The following NHERF4 variants were observed in gnomAD, a reference collection of about 807,000 sequenced individuals.
The protein encoded by NHERF4 is NHERF family PDZ scaffold protein 4.
chr11:119,188,579 T>TTGGGGCAGGAG, the NHERF4 span: 3 of 1,605,494 alleles, frequency 1.9e-6, no homozygotes, highest in Non-Finnish European at 2.6e-6. Flanking sequence ...GGGGCTAGGG[T>TTGGGGCAGGAG]TGGGGCAGGA....
the NHERF4 span, chr11:119,188,835 G>C: frequency 3.8e-5 from 61 of 1,614,086 alleles, no homozygotes; most frequent in Non-Finnish European, 4.9e-5. Flanking sequence ...ACTCAGTTGT[G>C]TGGCCAGTGG....
the NHERF4 span, chr11:119,185,873 C>A: frequency 4.3e-6 from 7 of 1,611,528 alleles, no homozygotes; most frequent in Admixed American, 8.3e-5. Flanking sequence ...AGAGGCACAT[C>A]TGGGGAGAAG....
the NHERF4 span, chr11:119,189,472 C>T: frequency 6.2e-7 from 1 of 1,614,170 alleles, no homozygotes; most frequent in South Asian, 1.1e-5. This position sits in a 1 kb window ranked among gnomAD's most constrained non-coding sequence, Gnocchi z 5.8. Flanking sequence ...GGACTGGGCT[C>T]TGGCCTCGGA....
At chr11:119,187,686 C>T in the NHERF4 span, 14 of 1,519,110 alleles carry the variant, frequency 9.2e-6, no homozygotes, top group Admixed American at 3.2e-4. Flanking sequence ...CACTCACAAC[C>T]AACTCACCAG....
the NHERF4 span, chr11:119,189,587 C>G: frequency 7.2e-7 from 1 of 1,387,620 alleles, no homozygotes; most frequent in African/African-American, 1.4e-5. This position sits in a 1 kb window ranked among gnomAD's most constrained non-coding sequence, Gnocchi z 5.8. Context: ...CTAAGCCAGA[C>G]CAGAGGGACT....
At chr11:119,185,853 T>G in the NHERF4 span, 1 of 1,604,524 alleles carries the variant, frequency 6.2e-7, no homozygotes, top group East Asian at 2.2e-5. Context: ...TTTTAGTTTA[T>G]GCCAATGGAA....
At chr11:119,188,817 G>A in the NHERF4 span, 2 of 1,614,212 alleles carry the variant, frequency 1.2e-6, no homozygotes, top group Non-Finnish European at 1.7e-6. Context: ...TGGCAGCTAT[G>A]GCTTCCGACT....
the NHERF4 span, chr11:119,189,720 T>C: frequency 1.7e-6 from 1 of 587,322 alleles, no homozygotes; most frequent in Non-Finnish European, 3.1e-6. The surrounding 1 kb of genome is among the most constrained non-coding windows in gnomAD (Gnocchi z 5.8). Flanking sequence ...CTCCAGAGGA[T>C]GTCATATGGG....
At chr11:119,188,070 G>C in the NHERF4 span, 1 of 1,551,762 alleles carries the variant, frequency 6.4e-7, no homozygotes, top group Non-Finnish European at 8.7e-7. Context: ...AAGCCCCGCT[G>C]CCTGCACCTG....
the NHERF4 span, chr11:119,187,755 C>G: frequency 2.0e-6 from 3 of 1,466,398 alleles, no homozygotes; most frequent in Non-Finnish European, 2.7e-6. Flanking sequence ...GGCCCCACCT[C>G]GGGAAGACGC....
the NHERF4 span, chr11:119,186,497 G>A: frequency 6.4e-5 from 103 of 1,613,984 alleles, no homozygotes; most frequent in African/African-American, 1.1e-3. This position sits in a 1 kb window ranked among gnomAD's most constrained non-coding sequence, Gnocchi z 4.4. Flanking sequence ...AGCCTGGAGC[G>A]GCCTCGCTTC....
chr11:119,188,480 A>T, the NHERF4 span: 1 of 1,610,968 alleles, frequency 6.2e-7, no homozygotes, highest in South Asian at 1.1e-5. Context: ...GACAGTGTCC[A>T]GGATCCAGGG....
chr11:119,188,096 G>A, the NHERF4 span: 7 of 1,550,108 alleles, frequency 4.5e-6, no homozygotes, highest in South Asian at 6.0e-5. Context: ...AGGGCCCCAG[G>A]GTTTTGGGTT....
At chr11:119,187,858 C>T in the NHERF4 span, 1 of 1,470,386 alleles carries the variant, frequency 6.8e-7, no homozygotes. Context: ...CACTTAGTGC[C>T]TGGGAGGAGG....
the NHERF4 span, chr11:119,187,680 C>G: frequency 6.6e-7 from 1 of 1,524,624 alleles, no homozygotes; most frequent in South Asian, 1.3e-5. Flanking sequence ...GAAGTTCACT[C>G]ACAACCAACT....
the NHERF4 span, chr11:119,186,418 G>A: frequency 4.0e-4 from 644 of 1,593,622 alleles, 4 homozygotes; most frequent in East Asian, 8.9e-3. This position sits in a 1 kb window ranked among gnomAD's most constrained non-coding sequence, Gnocchi z 4.4. Flanking sequence ...GGCACACGGC[G>A]AACCTGTACT....
chr11:119,188,727 G>C, the NHERF4 span: 3 of 1,614,198 alleles, frequency 1.9e-6, no homozygotes, highest in East Asian at 4.5e-5. Flanking sequence ...GGTTGAGACA[G>C]AGGACCCTTC....
the NHERF4 span, among the ~76,000 whole-genome samples, chr11:119,187,032 G>T: frequency 2.0e-5 from 3 of 152,052 alleles, no homozygotes; most frequent in African/African-American, 7.2e-5. Context: ...CCAGCTACTC[G>T]GGAGGGCTGA....
chr11:119,188,570 G>T, the NHERF4 span: 1 of 1,603,312 alleles, frequency 6.2e-7, no homozygotes, highest in Admixed American at 1.7e-5. Context: ...TGAGGGGCAG[G>T]GGCTAGGGTT....
Sources: gnomAD v4.1 joint callset for allele counts (sites outside exome capture counted in the v4.1 genomes callset) on GRCh38, gnomAD v4.1.1 for gene constraint, Gnocchi (gnomAD v3.1) non-coding constraint, MANE v1.5 for transcripts, NCBI Gene and HGNC (gene_info 2026-07-23, HGNC 2026-07-21) for gene names.